ARSG: variants seen among roughly 807,000 people sequenced by gnomAD.
ARSG encodes arylsulfatase G, also known as ASG.
ARSG carries 37 observed loss-of-function variants against 50.5 expected under a neutral mutation model. That is an observed-to-expected ratio of 0.73 (90% CI 0.56 to 0.96). The LOEUF is 0.96. ARSG is among the 50% of genes least tolerant of loss of function. ARSG has a pLI of 0.00. For missense variants in ARSG, 629 were observed against 675.3 expected (o/e 0.93, Z 0.76); for synonymous variants, 225 against 254.6 (o/e 0.88, Z 1.11).
At chr17:68,396,565 A>G (rs754024139) in intron 10 of ARSG, among the ~76,000 whole-genome samples, 1 of 152,140 alleles carries the variant, frequency 6.6e-6, no homozygotes, top group Non-Finnish European at 1.5e-5. Context: ...CTACAAATGC[A>G]TGGCTTCTTG....
At chr17:68,407,996 G>GTTGGC (rs2081809450) in intron 11 of ARSG, among the ~76,000 whole-genome samples, 2 of 148,880 alleles carry the variant, frequency 1.3e-5, no homozygotes, top group Admixed American at 1.3e-4. Flanking sequence ...TCAGTATTAT[G>GTTGGC]TTGGCTGTGG....
intron 1 of ARSG, among the ~76,000 whole-genome samples, chr17:68,302,524 C>T (rs2076457636): frequency 6.6e-6 from 1 of 152,202 alleles, no homozygotes; most frequent in Admixed American, 6.5e-5. Context: ...TTTTCAGACA[C>T]TGCTCAGCAG....
In ARSG at chr17:68,327,093, G is replaced by T. The variant is rs1011660016; in HGVS notation, c.219-16511G>T. Reference sequence around the variant, plus strand: ...AGGAAAGACTTTGTGATAATAGTAGGTTCTGAAGGACAAGTAGGAGTTTGG... The same window carrying T: ...AGGAAAGACTTTGTGATAATAGTAGTTTCTGAAGGACAAGTAGGAGTTTGG... On this transcript the variant is annotated intron_variant, in intron 2 of 11. Coordinates refer to ENST00000621439, the MANE Select transcript of ARSG (RefSeq NM_001267727.2). Among the ~76,000 whole-genome samples, 6 of 152,034 alleles carry T rather than the reference G, an allele frequency of 3.9e-5. No homozygotes were observed. In the South Asian group the frequency reaches 1.0e-3, roughly 26 times the overall value.
rs537898704 is a variant in ARSG at position 68,351,221 on chromosome 17, G to GT, written c.455-344dup. ...GTGGTTGTGGCAGCTAAGAACAACT[G>GT]TTTTTTTTTTATCCCTTAAAGTGTC... On this transcript the variant is annotated intron_variant, in intron 4 of 11. Coordinates refer to ENST00000621439, the MANE Select transcript of ARSG (RefSeq NM_001267727.2). Among the ~76,000 whole-genome samples, 1,215 of 143,230 alleles carry GT rather than the reference G, an allele frequency of 8.5e-3. 7 individuals carry two copies. Among genetic ancestry groups the GT allele is most frequent in the African/African-American group, 0.027 (1,066 of 39,126 alleles). 94.0% of individuals were successfully genotyped at this position (143,230 alleles called of 152,430 possible). A position where few individuals can be genotyped will look rare whatever the true frequency, so the allele number is the denominator to read the frequency against.
At chr17:68,412,855 CTTCATTTCA>C (rs1365549310) in intron 11 of ARSG, among the ~76,000 whole-genome samples, 1 of 152,088 alleles carries the variant, frequency 6.6e-6, no homozygotes, top group African/African-American at 2.4e-5. Context: ...TCCCTTCTCG[CTTCATTTCA>C]TTCATTTCAT....
chr17:68,276,442 ACTTT>A (rs782598955), intron 1 of ARSG, among the ~76,000 whole-genome samples: 5 of 151,630 alleles, frequency 3.3e-5, no homozygotes, highest in African/African-American at 7.3e-5. Context: ...AGCCTGGTTA[ACTTT>A]CTTTATTTTT....
At chr17:68,266,451 A>T in intron 1 of ARSG, among the ~76,000 whole-genome samples, 1 of 95,760 alleles carries the variant, frequency 1.0e-5, no homozygotes, top group Non-Finnish European at 2.2e-5. Flanking sequence ...TTTTTGTATA[A>T]AAAGTATATA....
At chr17:68,398,472 A>G (rs909127118) in intron 10 of ARSG, among the ~76,000 whole-genome samples, 1 of 152,352 alleles carries the variant, frequency 6.6e-6, no homozygotes. Flanking sequence ...ATATGCATAC[A>G]TGTGTACATA....
intron 1 of ARSG, among the ~76,000 whole-genome samples, chr17:68,292,433 TC>T (rs1262839133): frequency 6.6e-6 from 1 of 152,220 alleles, no homozygotes; most frequent in African/African-American, 2.4e-5. Context: ...ATGTGTCAGA[TC>T]CTAGACATTT....
intron 3 of ARSG, chr17:68,346,833 C>T: frequency 1.5e-6 from 2 of 1,369,142 alleles, no homozygotes; most frequent in Non-Finnish European, 1.9e-6. Flanking sequence ...GTCTGTGGAG[C>T]CCTCTTTGAG....
chr17:68,316,482 A>G (rs2077074720), intron 2 of ARSG, among the ~76,000 whole-genome samples: 1 of 152,236 alleles, frequency 6.6e-6, no homozygotes, highest in Non-Finnish European at 1.5e-5. Flanking sequence ...TGCTCAAACA[A>G]TAATTGTTCA....
At chr17:68,426,501 T>C (rs1401556166), downstream of ARSG, among the ~76,000 whole-genome samples, 1 of 152,130 alleles carries the variant, frequency 6.6e-6, no homozygotes, top group Admixed American at 6.6e-5. Context: ...ACTTCCTGAG[T>C]GGCTAGGACT....
downstream of ARSG, chr17:68,427,237 T>C (rs367662494): frequency 1.5e-5 from 25 of 1,613,974 alleles, no homozygotes; most frequent in African/African-American, 2.9e-4. Context: ...TCTTCTGTTG[T>C]TCCTGAGCCA....
chr17:68,307,486 TCAC>T lies in ARSG; in HGVS notation c.-2_1del. On this transcript the variant is annotated 5_prime_UTR_variant, in exon 2 of 12. Coordinates refer to ENST00000621439, the MANE Select transcript of ARSG (RefSeq NM_001267727.2). ...GCTCCAGACAATCGGAATCCTGCCTTCACCACCATGGGCTGGCTTTTTCTAAAG... is the reference window on the plus strand; with the variant it reads ...GCTCCAGACAATCGGAATCCTGCCTTCACCATGGGCTGGCTTTTTCTAAAG... 6.2e-7 allele frequency: 1 copy of T among 1,610,334 alleles called. No homozygotes were observed. The highest frequency in any genetic ancestry group is 8.5e-7 in the Non-Finnish European group (1 of 1,177,044).
In ARSG at chr17:68,271,488, A is replaced by G. The variant is rs879956624; in HGVS notation, c.-552+12062A>G. 3.7e-6 allele frequency: 6 copies of G among 1,614,144 alleles called. No homozygotes were observed. The Admixed American group carries it at 1.0e-4, about 27-fold the overall frequency. On this transcript the variant is annotated intron_variant, in intron 1 of 11. Transcript: ENST00000448504. This position sits in a 1 kb window ranked among gnomAD's most constrained non-coding sequence, Gnocchi z 5.3. The stretch of plus-strand genomic sequence containing the variant: ...TTCGTGTTTTCTCATTTTCAAGCAT[A>G]TACTGCGCTTCTTTCCGATTTTCCT...
chr17:68,323,382 T>TGA (rs59049908), intron 2 of ARSG, among the ~76,000 whole-genome samples: 3 of 151,752 alleles, frequency 2.0e-5, no homozygotes, highest in Non-Finnish European at 4.4e-5. Flanking sequence ...ACATACTTAA[T>TGA]GAGAGAGAGA....
At chr17:68,375,917 A>C (rs2080120891) in intron 8 of ARSG, among the ~76,000 whole-genome samples, 1 of 152,164 alleles carries the variant, frequency 6.6e-6, no homozygotes, top group Non-Finnish European at 1.5e-5. Context: ...AACCATGGGA[A>C]GATTTTAAGA....
chr17:68,433,760 G>GTTTTTTTTT, the ARSG span, among the ~76,000 whole-genome samples: 32 of 72,820 alleles, frequency 4.4e-4, 1 homozygote, highest in African/African-American at 1.4e-3. Flanking sequence ...AAGGGTCATA[G>GTTTTTTTTT]TTTTTTTTTT....
rs1172280086 is a variant in ARSG at position 68,381,761 on chromosome 17, T to C, written c.983-3303T>C. 6.6e-6 allele frequency among the ~76,000 whole-genome samples: 1 copy of C among 152,138 alleles called. No individual in the cohort carries two copies. The highest frequency in any genetic ancestry group is 1.5e-5 in the Non-Finnish European group (1 of 68,028). ...ATCCCCAGGAGGGTTTTAGAAGATA[T>C]TGATGTCAGAGCTTCACTGCAGGTC... On this transcript the variant is annotated intron_variant, in intron 8 of 11. Coordinates refer to ENST00000621439, the MANE Select transcript of ARSG (RefSeq NM_001267727.2). This position sits in a 1 kb window ranked among gnomAD's most constrained non-coding sequence, Gnocchi z 4.1.
Sources: allele counts gnomAD v4.1 joint callset (sites outside exome capture counted in the v4.1 genomes callset), GRCh38; gene constraint gnomAD v4.1.1; non-coding constraint Gnocchi (gnomAD v3.1); transcripts MANE v1.5; gene names NCBI Gene and HGNC (gene_info 2026-07-23, HGNC 2026-07-21).